The following LARP1B variants were observed in gnomAD, a reference collection of about 807,000 sequenced individuals.
LARP1B encodes the protein La ribonucleoprotein 1B, also known as la-related protein 1B.
A neutral mutation model predicts 114.2 loss-of-function variants in LARP1B; 76 were observed. The observed-to-expected ratio is 0.67, with a 90% CI of 0.55 to 0.81. LARP1B has a LOEUF of 0.81. Among genes scored for constraint, LARP1B ranks in the 30% least tolerant of loss-of-function variants. The pLI is 0.00. For synonymous variants in LARP1B, 345 were observed against 348.0 expected, an observed-to-expected ratio of 0.99 and a Z score of 0.10; for missense variants, 1,014 against 1,075.8, an observed-to-expected ratio of 0.94 and a Z score of 0.80.
intron 15 of LARP1B, 115 bp downstream of exon 15, chr4:128,179,627 C>A: frequency 3.4e-6 from 2 of 583,328 alleles, no homozygotes; most frequent in Non-Finnish European, 2.9e-6. Flanking sequence ...AATTATAGAG[C>A]AATGAAAATG....
chr4:128,127,192 A>G (rs1379277064), intron 11 of LARP1B, among the ~76,000 whole-genome samples: 1 of 152,166 alleles, frequency 6.6e-6, no homozygotes, highest in East Asian at 1.9e-4. Context: ...GCAGAGTCTC[A>G]TGAAAGAAAG....
At chr4:128,185,032 A>G (rs934312441) in intron 15 of LARP1B, among the ~76,000 whole-genome samples, 24 of 151,970 alleles carry the variant, frequency 1.6e-4, no homozygotes, top group African/African-American at 5.8e-4. Flanking sequence ...ATACATGTAC[A>G]TACACATATA....
chr4:128,184,139 G>A (rs1175017879), intron 15 of LARP1B, among the ~76,000 whole-genome samples: 2 of 152,180 alleles, frequency 1.3e-5, no homozygotes, highest in Non-Finnish European at 2.9e-5. Flanking sequence ...AGCAGTGGCA[G>A]GGTTTGAGAG....
chr4:128,139,375 C>G (rs901493629), intron 11 of LARP1B, among the ~76,000 whole-genome samples: 31 of 152,050 alleles, frequency 2.0e-4, no homozygotes, highest in African/African-American at 7.0e-4. Context: ...CACCTGTAGT[C>G]CCAGCTATTC....
intron 12 of LARP1B, among the ~76,000 whole-genome samples, chr4:128,172,936 A>AGTGTGTGTGTGT (rs1452279399): frequency 5.0e-5 from 4 of 79,208 alleles, no homozygotes; most frequent in African/African-American, 2.9e-4. Context: ...AATCCCATCC[A>AGTGTGTGTGTGT]ATGTGTGTGT....
At chr4:128,144,014 CGAACTAGGT>C (rs997555112) in intron 11 of LARP1B, among the ~76,000 whole-genome samples, 4 of 152,054 alleles carry the variant, frequency 2.6e-5, no homozygotes, top group African/African-American at 4.8e-5. Context: ...ATTAACATTT[CGAACTAGGT>C]GATTCTTTGT....
intron 7 of LARP1B, among the ~76,000 whole-genome samples, chr4:128,092,339 G>C (rs1776210701): frequency 6.6e-6 from 1 of 152,002 alleles, no homozygotes; most frequent in Non-Finnish European, 1.5e-5. Flanking sequence ...TTATATTTTA[G>C]TTCAGATTTC....
chr4:128,206,886 G>C (rs970601964), intron 18 of LARP1B: 1 of 944,248 alleles, frequency 1.1e-6, no homozygotes, highest in Admixed American at 6.2e-5. Flanking sequence ...AAGAGTGCAG[G>C]CTCTGGGACA....
At chr4:128,108,801 A>G (rs1054332610) in intron 9 of LARP1B, 4 of 984,578 alleles carry the variant, frequency 4.1e-6, no homozygotes, top group East Asian at 1.1e-4. Flanking sequence ...ATAAAATAGC[A>G]TATACTTTCT....
At chr4:128,133,453 A>G (rs1792193290) in intron 11 of LARP1B, among the ~76,000 whole-genome samples, 1 of 152,246 alleles carries the variant, frequency 6.6e-6, no homozygotes, top group African/African-American at 2.4e-5. Context: ...GCTTCAGTGC[A>G]ATGCCTATGA....
chr4:128,178,951 G>A (rs1747390818), intron 14 of LARP1B, among the ~76,000 whole-genome samples: 1 of 152,038 alleles, frequency 6.6e-6, no homozygotes, highest in Non-Finnish European at 1.5e-5. Flanking sequence ...AATTAGATGG[G>A]CGTGGTGGCG....
chr4:128,162,293 G>A lies in LARP1B; in HGVS notation c.1624G>A (p.Val542Ile), dbSNP rs1168199747. The A allele has an allele frequency of 6.2e-7, 1 of 1,613,182 alleles. No homozygotes were observed. Among genetic ancestry groups the A allele is most frequent in the Admixed American group, 1.7e-5 (1 of 59,966 alleles). The change falls in exon 12 of 20, where the codon GTA (valine) becomes ATA (isoleucine). Residue 542 changes from valine (V) to isoleucine (I), a missense_variant. Val to Ile is a conservative substitution (Grantham distance 29). Coordinates refer to ENST00000326639, the MANE Select transcript of LARP1B (RefSeq NM_018078.4). ...TTTTGAGCCAAACCAAGAAGTTCCT[G>A]TAGCACCTTCACAGTCCAGGCAAGG... ...LPFEPNQEVP[V>I]APSQSRQGGV...
At chr4:128,149,447 C>G (rs917361066) in intron 11 of LARP1B, among the ~76,000 whole-genome samples, 3 of 152,072 alleles carry the variant, frequency 2.0e-5, no homozygotes, top group Admixed American at 6.5e-5. Context: ...TTATAGTAAT[C>G]CAAGGGTGAA....
chr4:128,222,623 G>T (rs1760104274), downstream of LARP1B: 1 of 268,628 alleles, frequency 3.7e-6, no homozygotes, highest in Admixed American at 4.8e-5. Context: ...GTGAGAAGTT[G>T]TCTTTATTCC....
intron 8 of LARP1B, among the ~76,000 whole-genome samples, chr4:128,102,665 C>T (rs544131498): frequency 2.6e-5 from 4 of 152,246 alleles, no homozygotes; most frequent in African/African-American, 9.6e-5. Flanking sequence ...TCGATGTCTT[C>T]CCCATAATTG....
At chr4:128,208,750 A>G (rs1758269112) in intron 19 of LARP1B, among the ~76,000 whole-genome samples, 1 of 152,190 alleles carries the variant, frequency 6.6e-6, no homozygotes, top group Admixed American at 6.5e-5. Context: ...CTTTTTTTGA[A>G]TGCAGGATAC....
chr4:128,091,876 C>T (rs1369251478), intron 7 of LARP1B, among the ~76,000 whole-genome samples: 3 of 152,094 alleles, frequency 2.0e-5, no homozygotes, highest in East Asian at 1.9e-4. Context: ...GGATTATAGG[C>T]GTGAGCCACC....
intron 9 of LARP1B, among the ~76,000 whole-genome samples, chr4:128,113,155 T>A (rs1784672317): frequency 1.3e-5 from 2 of 152,150 alleles, no homozygotes; most frequent in Non-Finnish European, 2.9e-5. Flanking sequence ...ATAAATTTTA[T>A]TGTGTATATT....
chr4:128,078,303 A>T (rs1252122811), intron 4 of LARP1B, among the ~76,000 whole-genome samples: 1 of 152,124 alleles, frequency 6.6e-6, no homozygotes, highest in East Asian at 1.9e-4. Flanking sequence ...AAAATTAAAT[A>T]CATTTTTTTC....
Sources: allele counts gnomAD v4.1 joint callset (sites outside exome capture counted in the v4.1 genomes callset), GRCh38; gene constraint gnomAD v4.1.1; transcripts MANE v1.5; gene names NCBI Gene and HGNC (gene_info 2026-07-23, HGNC 2026-07-21).